JMJD1C: variants seen among roughly 807,000 people sequenced by gnomAD.
JMJD1C encodes the protein jumonji domain-containing protein 1C.
In JMJD1C, 31 loss-of-function variants were observed where a neutral mutation model predicts 245.3. The ratio of observed to expected loss-of-function variants is 0.13; its 90% CI spans 0.09 to 0.17. The LOEUF is 0.17. JMJD1C is among the 10% of genes least tolerant of loss of function. The probability of loss-of-function intolerance (pLI) is 1.00; values close to 1 mark genes in which losing one functional copy is unlikely to be tolerated. For missense variants in JMJD1C, 2,691 were observed against 3,000.2 expected (o/e 0.90, Z 2.41); for synonymous variants, 1,057 against 1,017.4 (o/e 1.04, Z -0.74).
chr10:63,239,216 G>A (rs1851172652), intron 3 of JMJD1C, among the ~76,000 whole-genome samples: 1 of 152,172 alleles, frequency 6.6e-6, no homozygotes, highest in South Asian at 2.1e-4. Flanking sequence ...AAACAATATG[G>A]AATATAGGGA....
At position 63,168,082 on chromosome 10, in the gene JMJD1C, A is replaced by G. The variant is rs1331041250; in HGVS notation, c.7586T>C (p.Ile2529Thr). The G allele has an allele frequency of 1.2e-6, 2 of 1,606,278 alleles. No homozygotes were observed. The highest frequency in any genetic ancestry group is 1.1e-5 in the South Asian group (1 of 90,876). ...CATATCCTCTACTTCATCCTCGTGT[A>G]TCTTCAAGGCTCTCACCATTTCTTT... is the stretch of plus-strand genomic sequence containing the variant. ...AVKEMVRALKIHEDEVEDMEE... is the reference protein window; with the variant it reads ...AVKEMVRALKTHEDEVEDMEE... Residue 2529 changes from isoleucine (I) to threonine (T), a missense_variant, in exon 26 of 26, where the codon ATA becomes ACA. Transcript: ENST00000399262.
intron 2 of JMJD1C, among the ~76,000 whole-genome samples, chr10:63,281,599 T>C (rs569517232): frequency 4.0e-5 from 6 of 149,086 alleles, no homozygotes; most frequent in Non-Finnish European, 8.9e-5. Flanking sequence ...GCCTCCAGAG[T>C]AGCATGGACA....
intron 2 of JMJD1C, among the ~76,000 whole-genome samples, chr10:63,376,839 G>A (rs1014402430): frequency 2.1e-4 from 32 of 152,142 alleles, no homozygotes; most frequent in Admixed American, 1.8e-3. Flanking sequence ...GAAAAATGGT[G>A]CAGCCACTTG....
intron 1 of JMJD1C, among the ~76,000 whole-genome samples, chr10:63,408,713 G>GTT (rs58262465): frequency 5.6e-5 from 8 of 143,048 alleles, no homozygotes; most frequent in Middle Eastern, 3.3e-3. Context: ...ATGTAGGGTG[G>GTT]TTTTTTTTTT....
At chr10:63,499,638 T>C (rs1358159839) in intron 1 of JMJD1C, among the ~76,000 whole-genome samples, 3 of 152,078 alleles carry the variant, frequency 2.0e-5, no homozygotes, top group Non-Finnish European at 4.4e-5. Context: ...CTTTCAGCCA[T>C]GTCTGAAAGG....
chr10:63,265,082 T>C (rs1475042465), intron 2 of JMJD1C, among the ~76,000 whole-genome samples: 2 of 152,148 alleles, frequency 1.3e-5, no homozygotes, highest in East Asian at 3.8e-4. Context: ...GAAATTGCTT[T>C]TGAAACAGTA....
chr10:63,185,953 A>G (rs1298809045), intron 19 of JMJD1C, among the ~76,000 whole-genome samples: 1 of 152,216 alleles, frequency 6.6e-6, no homozygotes. Flanking sequence ...TTTTACATAA[A>G]TAATTCCATT....
At chr10:63,291,487 C>T (rs1564742420) in intron 2 of JMJD1C, among the ~76,000 whole-genome samples, 1 of 139,542 alleles carries the variant, frequency 7.2e-6, no homozygotes, top group Non-Finnish European at 1.6e-5. Flanking sequence ...TGGTGGCAGG[C>T]GACTGTAATC....
chr10:63,264,003 CACACAA>C (rs1855197660), intron 3 of JMJD1C, among the ~76,000 whole-genome samples: 1 of 143,520 alleles, frequency 7.0e-6, no homozygotes, highest in Non-Finnish European at 1.5e-5. Context: ...CACACACACA[CACACAA>C]TTCTGTGAGC....
intron 1 of JMJD1C, among the ~76,000 whole-genome samples, chr10:63,429,109 T>C (rs1320316853): frequency 6.6e-6 from 1 of 152,116 alleles, no homozygotes; most frequent in Non-Finnish European, 1.5e-5. Flanking sequence ...GCCTCCCGGG[T>C]AGCTGGGATT....
At chr10:63,305,629 C>CATGTGTGT (rs1938064107) in intron 2 of JMJD1C, among the ~76,000 whole-genome samples, 1 of 121,682 alleles carries the variant, frequency 8.2e-6, no homozygotes, top group Non-Finnish European at 1.7e-5. Context: ...ACCATGCTGG[C>CATGTGTGT]GTGTGTGTGT....
rs568912725 is a variant in JMJD1C, at chr10:63,280,981, G to A, written c.334-16217C>T. Among the ~76,000 whole-genome samples the A allele has an allele frequency of 6.7e-5, 10 of 149,758 alleles. No individual in the cohort carries two copies. The South Asian group carries it at 1.5e-3, about 22-fold the overall frequency. On this transcript the variant is annotated intron_variant, in intron 2 of 25. Transcript: ENST00000399262. Reference sequence around the variant, plus strand: ...CTTTTTCTTTTTTTTTTTTTGAGACGGAGTCTTGCTGTGTCGCCCAGGATG... The same window carrying A: ...CTTTTTCTTTTTTTTTTTTTGAGACAGAGTCTTGCTGTGTCGCCCAGGATG...
At chr10:63,242,406 G>A (rs533440383) in intron 3 of JMJD1C, among the ~76,000 whole-genome samples, 9 of 151,982 alleles carry the variant, frequency 5.9e-5, no homozygotes, top group Non-Finnish European at 8.8e-5. Flanking sequence ...TACCAATAAC[G>A]GACACAGCAG....
chr10:63,434,988 A>T (rs1221170383), intron 1 of JMJD1C, among the ~76,000 whole-genome samples: 1 of 152,240 alleles, frequency 6.6e-6, no homozygotes, highest in East Asian at 1.9e-4. Flanking sequence ...TCATACCAAT[A>T]GCATATCTTT....
At chr10:63,190,794 G>T in intron 17 of JMJD1C, 100 bp downstream of exon 17, 2 of 829,974 alleles carry the variant, frequency 2.4e-6, no homozygotes, top group Non-Finnish European at 4.0e-6. Flanking sequence ...TGGTACACTT[G>T]ATTTCATCAG....
chr10:63,193,616 C>T, intron 14 of JMJD1C, 144 bp from the exon 15 acceptor site: 1 of 548,100 alleles, frequency 1.8e-6, no homozygotes, highest in Non-Finnish European at 3.1e-6. Flanking sequence ...TTTCTCCATT[C>T]TCTTCCATCT....
chr10:63,306,987 A>T (rs541906938), intron 2 of JMJD1C, among the ~76,000 whole-genome samples: 1 of 152,316 alleles, frequency 6.6e-6, no homozygotes, highest in African/African-American at 2.4e-5. Flanking sequence ...GGATATTGCT[A>T]TGCTTGTACT....
chr10:63,272,318 C>G (rs1007369163), intron 2 of JMJD1C, among the ~76,000 whole-genome samples: 2 of 152,010 alleles, frequency 1.3e-5, no homozygotes, highest in African/African-American at 4.8e-5. Context: ...ATGGCACAAT[C>G]TCGGCTCACT....
chr10:63,428,989 G>C (rs1007695943), intron 1 of JMJD1C, among the ~76,000 whole-genome samples: 1 of 151,956 alleles, frequency 6.6e-6, no homozygotes, highest in South Asian at 2.1e-4. Flanking sequence ...TCTTTTGGTG[G>C]GGGGGAGGGG....
Sources: gnomAD v4.1 joint callset for allele counts (sites outside exome capture counted in the v4.1 genomes callset) on GRCh38, gnomAD v4.1.1 for gene constraint, MANE v1.5 for transcripts, NCBI Gene and HGNC (gene_info 2026-07-23, HGNC 2026-07-21) for gene names.